Variants in RGS6 observed in about 807,000 individuals in gnomAD.
RGS6 encodes the protein regulator of G protein signaling 6.
In RGS6, 30 loss-of-function variants were observed where a neutral mutation model predicts 78.5. The ratio of observed to expected loss-of-function variants is 0.38; its 90% CI spans 0.29 to 0.52. The LOEUF is 0.52. Among genes scored for constraint, RGS6 ranks in the 20% least tolerant of loss-of-function variants. RGS6 has a pLI of 0.85. For missense variants in RGS6, 495 were observed against 609.7 expected (o/e 0.81, Z 1.98); for synonymous variants, 206 against 206.0 (o/e 1.00, Z 0.00).
the RGS6 span, chr14:72,594,418 A>T: frequency 2.0e-5 from 3 of 152,246 alleles, no homozygotes; most frequent in African/African-American, 7.2e-5. Context: ...AAACTCCTGC[A>T]CAAATCTTTA....
intron 2 of RGS6, among the ~76,000 whole-genome samples, chr14:72,140,065 A>G (rs937242556): frequency 1.3e-4 from 20 of 152,314 alleles, no homozygotes; most frequent in Non-Finnish European, 2.5e-4. Context: ...AGGTCCTGAC[A>G]TATTTTGATG....
At chr14:72,094,976 A>G (rs2095368012) in intron 2 of RGS6, among the ~76,000 whole-genome samples, 1 of 152,004 alleles carries the variant, frequency 6.6e-6, no homozygotes. Flanking sequence ...TGAAAGCCTA[A>G]TGCTCTTTCT....
At chr14:71,981,048 T>G (rs1022963040) in intron 2 of RGS6, among the ~76,000 whole-genome samples, 57 of 148,528 alleles carry the variant, frequency 3.8e-4, no homozygotes, top group Non-Finnish European at 4.9e-4. Context: ...TTCCAGTTGA[T>G]CGCATCGGCT....
chr14:72,020,036 C>T (rs1596183189), intron 2 of RGS6, among the ~76,000 whole-genome samples: 1 of 152,240 alleles, frequency 6.6e-6, no homozygotes, highest in Non-Finnish European at 1.5e-5. Flanking sequence ...TTTGATTCTA[C>T]CAGCTGCAAA....
chr14:71,943,247 C>T (rs920611198), intron 1 of RGS6, among the ~76,000 whole-genome samples: 1 of 152,044 alleles, frequency 6.6e-6, no homozygotes, highest in African/African-American at 2.4e-5. Context: ...GTTTCTGAAC[C>T]TTAGTTTTCT....
intron 10 of RGS6, among the ~76,000 whole-genome samples, 162 bp downstream of exon 10, chr14:72,474,861 G>A (rs1481876356): frequency 1.3e-5 from 2 of 152,226 alleles, no homozygotes; most frequent in Non-Finnish European, 2.9e-5. Context: ...CATGCTTGGC[G>A]CTGTGCTCGT....
At chr14:72,353,616 A>G (rs1425187627) in intron 3 of RGS6, among the ~76,000 whole-genome samples, 1 of 152,180 alleles carries the variant, frequency 6.6e-6, no homozygotes, top group Non-Finnish European at 1.5e-5. Flanking sequence ...TTATGAGATG[A>G]TGATGATGAA....
At chr14:71,999,566 C>T (rs1016578559) in intron 2 of RGS6, among the ~76,000 whole-genome samples, 2 of 152,068 alleles carry the variant, frequency 1.3e-5, no homozygotes, top group African/African-American at 4.8e-5. Flanking sequence ...CAAATCATAA[C>T]CTCAATGTTG....
the RGS6 span, among the ~76,000 whole-genome samples, chr14:71,902,876 T>A: frequency 2.0e-5 from 3 of 152,098 alleles, no homozygotes; most frequent in African/African-American, 7.2e-5. Context: ...GAACAAATAA[T>A]GGAGCCAGTC....
At chr14:72,517,999 G>T (rs972586590) in intron 14 of RGS6, among the ~76,000 whole-genome samples, 4 of 152,198 alleles carry the variant, frequency 2.6e-5, no homozygotes, top group Admixed American at 6.5e-5. Context: ...GGCCAAGGTT[G>T]CTGCTAAACA....
At chr14:72,108,573 A>G (rs12892488) in intron 2 of RGS6, among the ~76,000 whole-genome samples, 53,492 of 151,718 alleles carry the variant, frequency 0.35, 9,980 homozygotes, top group Admixed American at 0.41. Flanking sequence ...CTGTCTTCAA[A>G]ATTTATCAAT....
intron 2 of RGS6, among the ~76,000 whole-genome samples, chr14:72,158,142 T>TA (rs1490278076): frequency 3.9e-5 from 6 of 152,158 alleles, no homozygotes; most frequent in Non-Finnish European, 7.3e-5. Flanking sequence ...TATTTTCTCA[T>TA]AGTTCTGTAG....
the RGS6 span, among the ~76,000 whole-genome samples, chr14:72,600,557 A>T: frequency 6.8e-5 from 9 of 133,020 alleles, no homozygotes; most frequent in Admixed American, 7.2e-4. Flanking sequence ...GAGAATCTGA[A>T]GGAAGCCAGG....
rs564957352 is a variant in RGS6, at chr14:72,094,531, G to C, written c.84+129656G>C. Among the ~76,000 whole-genome samples, 38 of 152,122 alleles carry C rather than the reference G, an allele frequency of 2.5e-4. 1 individual carries two copies. The East Asian group carries it at 7.3e-3, about 29-fold the overall frequency. On this transcript the variant is annotated intron_variant, in intron 2 of 17. Coordinates refer to ENST00000553525, the MANE Select transcript of RGS6 (RefSeq NM_001204424.2). ...TTGCTTAATTTCAATATAAATTTAT[G>C]AAATTTATTATCCATCAAGAGTCAA...
chr14:72,035,833 T>C (rs965138606), intron 2 of RGS6, among the ~76,000 whole-genome samples: 9 of 152,170 alleles, frequency 5.9e-5, no homozygotes, highest in African/African-American at 2.2e-4. Flanking sequence ...CTACATTTTA[T>C]TTATTTGTTT....
At chr14:72,003,887 G>A (rs1018584722) in intron 2 of RGS6, among the ~76,000 whole-genome samples, 2 of 152,242 alleles carry the variant, frequency 1.3e-5, no homozygotes, top group East Asian at 3.9e-4. Context: ...CCAGGACGGC[G>A]CATGAGCTTG....
chr14:72,447,351 G>A (rs1439332541), intron 3 of RGS6, among the ~76,000 whole-genome samples: 1 of 152,202 alleles, frequency 6.6e-6, no homozygotes, highest in Non-Finnish European at 1.5e-5. Flanking sequence ...GTCTCTCAGT[G>A]AGGCCTCACC....
chr14:71,881,369 G>T, the RGS6 span, among the ~76,000 whole-genome samples: 1 of 152,192 alleles, frequency 6.6e-6, no homozygotes, highest in Non-Finnish European at 1.5e-5. Context: ...TGAGATTTGG[G>T]AGGGGCTGGG....
chr14:72,285,225 G>T (rs565130186), intron 2 of RGS6, among the ~76,000 whole-genome samples: 2 of 152,252 alleles, frequency 1.3e-5, no homozygotes, highest in East Asian at 3.9e-4. Flanking sequence ...TGAGATTTGG[G>T]AGGGGCCGGG....
Sources: allele counts gnomAD v4.1 joint callset (sites outside exome capture counted in the v4.1 genomes callset), GRCh38; gene constraint gnomAD v4.1.1; transcripts MANE v1.5; gene names NCBI Gene and HGNC (gene_info 2026-07-23, HGNC 2026-07-21).